NALF1: variants seen among roughly 807,000 people sequenced by gnomAD.
NALF1 encodes the protein family with sequence similarity 155 member A.
Under a neutral mutation model 48.4 loss-of-function variants are expected in NALF1, and 3 were observed. The ratio of observed to expected loss-of-function variants is 0.06; its 90% CI spans 0.03 to 0.16. The LOEUF (loss-of-function observed/expected upper bound fraction) is 0.16. NALF1 is among the 10% of genes least tolerant of loss of function. NALF1 has a pLI of 1.00. For synonymous variants in NALF1, 262 were observed against 245.7 expected, an observed-to-expected ratio of 1.07 and a Z score of -0.62; for missense variants, 526 against 571.5, an observed-to-expected ratio of 0.92 and a Z score of 0.81.
intron 1 of NALF1, among the ~76,000 whole-genome samples, chr13:107,340,854 C>T (rs77983340): frequency 0.015 from 2,289 of 152,202 alleles, 24 homozygotes; most frequent in Non-Finnish European, 0.024. Context: ...AATGGGACAG[C>T]CTTTCAACAA....
chr13:107,668,182 T>A (rs1045893276), intron 1 of NALF1, among the ~76,000 whole-genome samples: 1 of 152,166 alleles, frequency 6.6e-6, no homozygotes, highest in Non-Finnish European at 1.5e-5. Context: ...CCAAATAAAA[T>A]AAAAACAAAT....
At chr13:107,585,779 C>T (rs896653632) in intron 1 of NALF1, among the ~76,000 whole-genome samples, 2 of 152,048 alleles carry the variant, frequency 1.3e-5, no homozygotes, top group African/African-American at 2.4e-5. Flanking sequence ...TTTATTTTTT[C>T]GGCCATTACC....
intron 1 of NALF1, among the ~76,000 whole-genome samples, chr13:107,768,014 G>T (rs538958111): frequency 3.9e-5 from 6 of 152,258 alleles, no homozygotes; most frequent in African/African-American, 1.2e-4. Flanking sequence ...TATGATGAAG[G>T]GGGAGAACAG....
chr13:107,849,300 C>T (rs1880251294), intron 1 of NALF1, among the ~76,000 whole-genome samples: 1 of 152,176 alleles, frequency 6.6e-6, no homozygotes, highest in Admixed American at 6.5e-5. Flanking sequence ...AACAACCTTG[C>T]TTCTCTGCAC....
rs1878744871 is a variant in NALF1, at chr13:107,169,476, G to C, written c.*1021C>G. On this transcript the variant is annotated 3_prime_UTR_variant, in exon 3 of 3. Coordinates refer to ENST00000375915, the MANE Select transcript of NALF1 (RefSeq NM_001080396.3). ...AATGTGCTCCTATATTACTGCAACA[G>C]AACAAAAATCACAATGAAAGCCCAC... 1 of 151,996 alleles carries C rather than the reference G, an allele frequency of 6.6e-6. No homozygotes were observed. Among genetic ancestry groups the C allele is most frequent in the Admixed American group, 6.6e-5 (1 of 15,242 alleles). 9.4% of individuals were successfully genotyped at this position (151,996 alleles called of 1,614,324 possible).
intron 1 of NALF1, among the ~76,000 whole-genome samples, chr13:107,599,439 AT>A (rs1811095555): frequency 6.6e-6 from 1 of 151,394 alleles, no homozygotes; most frequent in Non-Finnish European, 1.5e-5. Context: ...AAAAAAAAAA[AT>A]AACATTATTA....
chr13:107,278,568 G>T (rs1284570239), intron 1 of NALF1, among the ~76,000 whole-genome samples: 1 of 152,112 alleles, frequency 6.6e-6, no homozygotes, highest in Non-Finnish European at 1.5e-5. Context: ...TCATAATCTA[G>T]GAGCCTAGAG....
chr13:107,618,767 T>C (rs1879447148), intron 1 of NALF1, among the ~76,000 whole-genome samples: 1 of 152,118 alleles, frequency 6.6e-6, no homozygotes, highest in African/African-American at 2.4e-5. Flanking sequence ...CATTTAGGGA[T>C]ACGAGGGATA....
intron 1 of NALF1, among the ~76,000 whole-genome samples, chr13:107,254,321 C>G (rs1408399844): frequency 6.6e-6 from 1 of 152,116 alleles, no homozygotes; most frequent in Non-Finnish European, 1.5e-5. Context: ...AAAGCACGCA[C>G]GCTCAGCCTT....
chr13:107,659,164 T>C (rs1386020663), intron 1 of NALF1, among the ~76,000 whole-genome samples: 1 of 149,326 alleles, frequency 6.7e-6, no homozygotes, highest in Non-Finnish European at 1.5e-5. Context: ...CTTGTCTTCC[T>C]AATGCAGCCT....
intron 1 of NALF1, among the ~76,000 whole-genome samples, chr13:107,652,552 C>T (rs1217734452): frequency 6.6e-6 from 1 of 152,072 alleles, no homozygotes; most frequent in Non-Finnish European, 1.5e-5. Flanking sequence ...CAGAAGTCAG[C>T]CTCCCTAGCC....
intron 1 of NALF1, among the ~76,000 whole-genome samples, chr13:107,640,571 A>C (rs572028356): frequency 6.6e-6 from 1 of 152,200 alleles, no homozygotes; most frequent in Non-Finnish European, 1.5e-5. Flanking sequence ...GAAACAATCT[A>C]TAGACCAAGT....
intron 1 of NALF1, among the ~76,000 whole-genome samples, chr13:107,315,905 T>A (rs920738284): frequency 6.6e-5 from 10 of 150,466 alleles, no homozygotes; most frequent in Admixed American, 4.6e-4. Flanking sequence ...ATATATTTAT[T>A]TATTTATTAT....
chr13:107,839,172 G>C (rs1045147668), intron 1 of NALF1, among the ~76,000 whole-genome samples: 1 of 151,894 alleles, frequency 6.6e-6, no homozygotes. Flanking sequence ...GGCCTACCGA[G>C]TTTAGTGCTT....
At chr13:107,613,150 T>G (rs2138434372) in intron 1 of NALF1, among the ~76,000 whole-genome samples, 1 of 152,306 alleles carries the variant, frequency 6.6e-6, no homozygotes, top group Admixed American at 6.5e-5. Flanking sequence ...GCAGTTATGT[T>G]TTGTTTCCTG....
intron 1 of NALF1, among the ~76,000 whole-genome samples, chr13:107,787,617 TTGC>T (rs1245416612): frequency 1.3e-5 from 2 of 152,262 alleles, no homozygotes; most frequent in African/African-American, 4.8e-5. Context: ...TACCTGACTC[TTGC>T]TACATTCCCG....
intron 1 of NALF1, among the ~76,000 whole-genome samples, chr13:107,744,978 T>G (rs1175023515): frequency 6.6e-6 from 1 of 152,128 alleles, no homozygotes; most frequent in Non-Finnish European, 1.5e-5. Flanking sequence ...ACCACACAGG[T>G]TTTTCATTCT....
At chr13:107,653,990 T>TA (rs1305082827) in intron 1 of NALF1, among the ~76,000 whole-genome samples, 4 of 151,904 alleles carry the variant, frequency 2.6e-5, no homozygotes, top group African/African-American at 9.7e-5. Flanking sequence ...AATTAGTGAC[T>TA]AATAAATCAA....
At chr13:107,629,944 A>T (rs1222205462) in intron 1 of NALF1, among the ~76,000 whole-genome samples, 2 of 152,066 alleles carry the variant, frequency 1.3e-5, no homozygotes, top group Non-Finnish European at 2.9e-5. Flanking sequence ...AGATCTTCTC[A>T]CTGTAATCAG....
Sources: gnomAD v4.1 joint callset for allele counts (sites outside exome capture counted in the v4.1 genomes callset) on GRCh38, gnomAD v4.1.1 for gene constraint, MANE v1.5 for transcripts, NCBI Gene and HGNC (gene_info 2026-07-23, HGNC 2026-07-21) for gene names.